The following CACNA1A variants were observed in gnomAD, a reference collection of about 807,000 sequenced individuals.
CACNA1A encodes the protein voltage-dependent P/Q-type calcium channel subunit alpha-1A.
CACNA1A carries 57 observed loss-of-function variants against 262.4 expected under a neutral mutation model. The observed-to-expected ratio is 0.22, with a 90% confidence interval of 0.18 to 0.27. CACNA1A has a LOEUF of 0.27. Ranked by LOEUF, CACNA1A falls within the 10% of genes least tolerant of loss-of-function variation. CACNA1A has a pLI of 1.00. For missense variants in CACNA1A, 2,526 were observed against 3,562.8 expected (o/e 0.71, Z 7.41); for synonymous variants, 1,431 against 1,419.3 (o/e 1.01, Z -0.18).
intron 3 of CACNA1A, chr19:13,451,194 G>GA (rs1393823127): frequency 6.6e-6 from 1 of 152,282 alleles, no homozygotes; most frequent in Non-Finnish European, 1.5e-5. Flanking sequence ...GGCCTCTACA[G>GA]AAACAGCCCA....
chr19:13,353,647 G>C (rs555900494), intron 6 of CACNA1A, among the ~76,000 whole-genome samples: 10 of 152,252 alleles, frequency 6.6e-5, no homozygotes, highest in African/African-American at 2.4e-4. Flanking sequence ...CAACAGCATC[G>C]CTGATTAGTT....
chr19:13,401,180 G>T (rs1458639132), intron 3 of CACNA1A, among the ~76,000 whole-genome samples: 2 of 152,138 alleles, frequency 1.3e-5, no homozygotes, highest in Non-Finnish European at 2.9e-5. Context: ...CCAAAAAATG[G>T]ATTATGCCAA....
intron 22 of CACNA1A, among the ~76,000 whole-genome samples, chr19:13,282,705 C>T (rs1446779905): frequency 2.0e-5 from 3 of 151,664 alleles, no homozygotes; most frequent in Admixed American, 6.6e-5. Flanking sequence ...GTTGGGGGGG[C>T]GCATTGTGAG....
chr19:13,263,856 C>T (rs1384897182), intron 24 of CACNA1A, among the ~76,000 whole-genome samples: 1 of 152,034 alleles, frequency 6.6e-6, no homozygotes, highest in Non-Finnish European at 1.5e-5. Flanking sequence ...TATCAGTGGG[C>T]TCTTAAAAAA....
chr19:13,262,726 A>T lies in CACNA1A; in HGVS notation c.4089+8T>A. 1 of 1,578,662 alleles carries T rather than the reference A, an allele frequency of 6.3e-7. No individual in the cohort carries two copies. Among genetic ancestry groups the T allele is most frequent in the Non-Finnish European group, 8.7e-7 (1 of 1,149,386 alleles). ...CCCCCACCGCACCCCACCATCTCCCAATCTCACCTTGAGCTTTGGCAGCCG... is the reference window on the plus strand; with the variant it reads ...CCCCCACCGCACCCCACCATCTCCCTATCTCACCTTGAGCTTTGGCAGCCG... On this transcript the variant is annotated splice_region_variant and intron_variant, in intron 25 of 46. Coordinates refer to ENST00000360228, the MANE Select transcript of CACNA1A (RefSeq NM_001127222.2).
chr19:13,234,764 C>T (rs891029587), intron 34 of CACNA1A, 157 bp downstream of exon 34: 5 of 600,384 alleles, frequency 8.3e-6, no homozygotes, highest in Non-Finnish European at 1.2e-5. Flanking sequence ...CGCCCCCTAC[C>T]GGAAAAGAAG....
intron 10 of CACNA1A, among the ~76,000 whole-genome samples, chr19:13,318,499 A>G (rs2058176235): frequency 6.6e-6 from 1 of 151,830 alleles, no homozygotes; most frequent in African/African-American, 2.4e-5. Context: ...GAGGGATGGA[A>G]CCTGATTTGG....
intron 1 of CACNA1A, among the ~76,000 whole-genome samples, chr19:13,471,635 A>C (rs1319780903): frequency 6.6e-6 from 1 of 152,238 alleles, no homozygotes; most frequent in African/African-American, 2.4e-5. Context: ...TCCAGAGAGA[A>C]GCCAGGGCAT....
intron 4 of CACNA1A, among the ~76,000 whole-genome samples, chr19:13,368,757 G>GATGCAGTGTGGT (rs1158521241): frequency 3.1e-5 from 4 of 129,324 alleles, no homozygotes; most frequent in African/African-American, 1.8e-4. Flanking sequence ...TGTGGGTGCT[G>GATGCAGTGTGGT]GCCGGGCGCG....
chr19:13,392,076 C>T (rs76730029), intron 3 of CACNA1A, among the ~76,000 whole-genome samples: 10 of 148,244 alleles, frequency 6.7e-5, no homozygotes, highest in African/African-American at 2.2e-4. Context: ...CTGGGCACAA[C>T]GTTGCATGTC....
At chr19:13,259,234 C>T (rs1214855733) in intron 27 of CACNA1A, 1 of 168,104 alleles carries the variant, frequency 5.9e-6, no homozygotes, top group Non-Finnish European at 1.3e-5. Context: ...CAACCTCTGC[C>T]TCCTGGGTTC....
At chr19:13,263,213 G>C (rs1423121724) in intron 24 of CACNA1A, 1 of 217,102 alleles carries the variant, frequency 4.6e-6, no homozygotes, top group Non-Finnish European at 9.4e-6. Context: ...TGTCACCAAG[G>C]CTGGAGTGCA....
At chr19:13,240,201 A>G (rs953939010) in intron 31 of CACNA1A, among the ~76,000 whole-genome samples, 10 of 150,886 alleles carry the variant, frequency 6.6e-5, no homozygotes, top group African/African-American at 2.4e-4. Flanking sequence ...AGAATGAGTG[A>G]GAAAAAGAGA....
At chr19:13,240,719 TGCA>T (rs2056053258) in intron 31 of CACNA1A, among the ~76,000 whole-genome samples, 1 of 138,794 alleles carries the variant, frequency 7.2e-6, no homozygotes, top group African/African-American at 2.8e-5. Flanking sequence ...AGTGACTGTG[TGCA>T]GTGACTGCAG....
chr19:13,248,842 CAA>C (rs36043557), intron 30 of CACNA1A, among the ~76,000 whole-genome samples: 50 of 133,628 alleles, frequency 3.7e-4, no homozygotes, highest in Admixed American at 2.0e-3. Flanking sequence ...GAATCCATCT[CAA>C]AAAAAAAAAA....
chr19:13,228,621 T>C, intron 36 of CACNA1A: 1 of 332,762 alleles, frequency 3.0e-6, no homozygotes, highest in Non-Finnish European at 5.4e-6. Flanking sequence ...TATATATATA[T>C]ATATGAAATA....
At chr19:13,230,007 G>A (rs1308430296) in intron 36 of CACNA1A, 75 bp downstream of exon 36, 4 of 1,539,186 alleles carry the variant, frequency 2.6e-6, no homozygotes, top group Non-Finnish European at 3.5e-6. Flanking sequence ...CAGAGTCTGG[G>A]GCCTGACCTA....
At chr19:13,380,859 C>T (rs113656191) in intron 3 of CACNA1A, among the ~76,000 whole-genome samples, 50,959 of 150,880 alleles carry the variant, frequency 0.34, 8,861 homozygotes, top group Middle Eastern at 0.42. Context: ...CTGCAACCTC[C>T]GCCTCCTGGG....
intron 30 of CACNA1A, among the ~76,000 whole-genome samples, chr19:13,248,474 T>C (rs1188250793): frequency 6.8e-6 from 1 of 146,982 alleles, no homozygotes; most frequent in East Asian, 2.0e-4. Flanking sequence ...TCTTGCAGGA[T>C]TGGCAGGGTG....
Sources: allele counts gnomAD v4.1 joint callset (sites outside exome capture counted in the v4.1 genomes callset), GRCh38; gene constraint gnomAD v4.1.1; transcripts MANE v1.5; gene names NCBI Gene and HGNC (gene_info 2026-07-23, HGNC 2026-07-21).